PTGR1: variants seen among roughly 807,000 people sequenced by gnomAD.
The protein encoded by PTGR1 is prostaglandin reductase 1.
In PTGR1, 23 loss-of-function variants were observed where a neutral mutation model predicts 37.7. The observed-to-expected ratio is 0.61, with a 90% CI of 0.44 to 0.86. The LOEUF (loss-of-function observed/expected upper bound fraction) is 0.86. Ranked by LOEUF, PTGR1 falls within the 40% of genes least tolerant of loss-of-function variation. The pLI is 0.00. For missense variants in PTGR1, 351 were observed against 394.3 expected (o/e 0.89, Z 0.93); for synonymous variants, 134 against 140.0 (o/e 0.96, Z 0.30).
chr9:111,560,636 CAAAAAA>C (rs1015199330), downstream of PTGR1, among the ~76,000 whole-genome samples: 1 of 26,296 alleles, frequency 3.8e-5, no homozygotes, highest in Non-Finnish European at 6.8e-5. Context: ...GACACCATCT[CAAAAAA>C]AAAAAAAAAA....
intron 6 of PTGR1, among the ~76,000 whole-genome samples, chr9:111,583,138 T>C (rs929609458): frequency 1.3e-5 from 2 of 152,236 alleles, no homozygotes; most frequent in African/African-American, 4.8e-5. Context: ...TCATCTCAAG[T>C]CCCTTCTTCT....
At chr9:111,577,283 T>G (rs1180333384) in intron 7 of PTGR1, 1 of 152,032 alleles carries the variant, frequency 6.6e-6, no homozygotes, top group Non-Finnish European at 1.5e-5. Flanking sequence ...CCTACTAGGA[T>G]GGTTATAATA....
chr9:111,597,232 A>G (rs911237762), intron 2 of PTGR1, 85 bp downstream of exon 2: 26 of 1,048,908 alleles, frequency 2.5e-5, no homozygotes, highest in Non-Finnish European at 3.7e-5. Flanking sequence ...GCTTAAAGTC[A>G]CTAAACTTTG....
rs1829519727 is a variant in PTGR1, at chr9:111,588,775, C to G, written c.210-2610G>C. Among the ~76,000 whole-genome samples the G allele has an allele frequency of 2.0e-5, 3 of 152,248 alleles. No homozygotes were observed. The South Asian group carries it at 6.2e-4, about 32-fold the overall frequency. ...TCCTGACCTCAGGTGATCCACCCAC[C>G]TCAGCCTCCCAAAGTACTGAGATTA... On this transcript the variant is annotated intron_variant, in intron 4 of 9. Transcript: ENST00000407693.
chr9:111,597,893 A>AT (rs1829829967), intron 1 of PTGR1, among the ~76,000 whole-genome samples: 1 of 152,180 alleles, frequency 6.6e-6, no homozygotes, highest in Admixed American at 6.5e-5. Flanking sequence ...ATAGAAGTCC[A>AT]TGCACCTCTT....
intron 4 of PTGR1, chr9:111,589,338 TA>T (rs1338604991): frequency 1.1e-6 from 1 of 873,468 alleles, no homozygotes; most frequent in Non-Finnish European, 1.4e-6. Flanking sequence ...GAAATTCCAG[TA>T]AAGATCCATA....
intron 4 of PTGR1, chr9:111,589,325 A>C (rs1214743727): frequency 1.2e-6 from 1 of 826,710 alleles, no homozygotes; most frequent in Non-Finnish European, 1.5e-6. Context: ...CTGTAAGGTC[A>C]CTGAAATTCC....
rs58142522 is a variant in PTGR1 at position 111,592,986 on chromosome 9, C to CAAAAAAAAAAAAAAAAA, written c.153-21_153-5dup. 5 of 961,394 alleles carry CAAAAAAAAAAAAAAAAA rather than the reference C, an allele frequency of 5.2e-6. No individual in the cohort carries two copies. The highest frequency in any genetic ancestry group is 3.3e-5 in the African/African-American group (1 of 29,996). 59.6% of individuals were successfully genotyped at this position (961,394 alleles called of 1,614,324 possible). A position where few individuals can be genotyped will look rare whatever the true frequency, so the allele number is the denominator to read the frequency against. On this transcript the variant is annotated splice_polypyrimidine_tract_variant and splice_region_variant and intron_variant, in intron 3 of 9. Coordinates refer to ENST00000407693, the MANE Select transcript of PTGR1 (RefSeq NM_001146108.2). Reference sequence around the variant, plus strand: ...CTTCAATCTTTTGGCTGCCACTCTGCAAAAAAAAAAAAAAAAAAAAAAAAA... The same window carrying CAAAAAAAAAAAAAAAAA: ...CTTCAATCTTTTGGCTGCCACTCTGCAAAAAAAAAAAAAAAAAAAAAAAAAAAAAAAAAAAAAAAAAA...
intron 1 of PTGR1, among the ~76,000 whole-genome samples, chr9:111,598,008 T>A (rs60566038): frequency 0.15 from 21,463 of 145,086 alleles, 1,774 homozygotes; most frequent in East Asian, 0.26. Context: ...TTTTTTTTTT[T>A]AAATACTTTT....
At chr9:111,595,094 A>T (rs1829739208) in intron 2 of PTGR1, among the ~76,000 whole-genome samples, 1 of 151,752 alleles carries the variant, frequency 6.6e-6, no homozygotes, top group Admixed American at 6.6e-5. Flanking sequence ...ACCTCAAGAG[A>T]TCTGCCCACC....
chr9:111,569,931 G>A (rs1828734463), intron 9 of PTGR1, 160 bp downstream of exon 9: 1 of 1,185,820 alleles, frequency 8.4e-7, no homozygotes, highest in African/African-American at 1.5e-5. Context: ...TTTCAAAGAT[G>A]GGAAAAGTAA....
At position 111,594,213 on chromosome 9, in the gene PTGR1, A is replaced by C. The variant is rs1386448975; in HGVS notation, c.152+9T>G. The stretch of plus-strand genomic sequence containing the variant: ...GCATTAGCATTTTGAGGGGCGAAAT[A>C]AATAATACCTCATGTAGGGATCCAC... On this transcript the variant is annotated intron_variant, in intron 3 of 9. Coordinates refer to ENST00000407693, the MANE Select transcript of PTGR1 (RefSeq NM_001146108.2). The C allele has an allele frequency of 6.2e-7, 1 of 1,610,410 alleles. No individual in the cohort carries two copies. The highest frequency in any genetic ancestry group is 1.7e-5 in the Admixed American group (1 of 60,008).
At position 111,597,314 on chromosome 9, in the gene PTGR1, T is replaced by TA; in HGVS notation, c.106+2dup. The stretch of plus-strand genomic sequence containing the variant: ...ACTCTGAAATATTTTTAGTATGACT[T>TA]ACCTCCATTTTTTAAGGGTGGGAGC... On this transcript the variant is annotated splice_region_variant and intron_variant, in intron 2 of 9. Coordinates refer to ENST00000407693, the MANE Select transcript of PTGR1 (RefSeq NM_001146108.2). 1 of 1,593,430 alleles carries TA rather than the reference T, an allele frequency of 6.3e-7. No individual in the cohort carries two copies.
At chr9:111,552,070 A>G (rs1589282447) in intron 9 of PTGR1, among the ~76,000 whole-genome samples, 1 of 152,184 alleles carries the variant, frequency 6.6e-6, no homozygotes, top group South Asian at 2.1e-4. Flanking sequence ...CCATTTTAGG[A>G]GCTTCAAATT....
chr9:111,578,957 T>G lies in PTGR1; in HGVS notation c.496-6A>C. 4 of 1,455,468 alleles carry G rather than the reference T, an allele frequency of 2.7e-6. No individual in the cohort carries two copies. The highest frequency in any genetic ancestry group is 1.5e-5 in the South Asian group (1 of 68,166). 90.2% of individuals were successfully genotyped at this position (1,455,468 alleles called of 1,614,324 possible). A position where few individuals can be genotyped will look rare whatever the true frequency, so the allele number is the denominator to read the frequency against. On this transcript the variant is annotated splice_region_variant and splice_polypyrimidine_tract_variant and intron_variant, in intron 6 of 9. Coordinates refer to ENST00000407693, the MANE Select transcript of PTGR1 (RefSeq NM_001146108.2). Reference sequence around the variant, plus strand: ...GCTCCAACAACTTTGCAGCCCTAAGTAGAAAAAAAAAAAAAAAGGAAACCA... The same window carrying G: ...GCTCCAACAACTTTGCAGCCCTAAGGAGAAAAAAAAAAAAAAAGGAAACCA...
intron 9 of PTGR1, chr9:111,564,265 G>T: frequency 1.1e-6 from 1 of 884,440 alleles, no homozygotes; most frequent in South Asian, 3.0e-5. Context: ...TAGGGAAGCT[G>T]AAATTTAAAC....
intron 9 of PTGR1, among the ~76,000 whole-genome samples, chr9:111,568,945 T>TA (rs1828692381): frequency 6.6e-6 from 1 of 152,172 alleles, no homozygotes; most frequent in Admixed American, 6.5e-5. Context: ...AGAATCTCCT[T>TA]AGAGATTAGA....
At chr9:111,583,653 T>A in intron 5 of PTGR1, 64 bp from the exon 6 acceptor site, 1 of 1,355,738 alleles carries the variant, frequency 7.4e-7, no homozygotes. Flanking sequence ...CTCATTTATA[T>A]ATATCTTGAA....
At chr9:111,561,924 T>C (rs1304822054), downstream of PTGR1, among the ~76,000 whole-genome samples, 2 of 150,410 alleles carry the variant, frequency 1.3e-5, no homozygotes, top group Non-Finnish European at 3.0e-5. Flanking sequence ...TTGCTCTTGT[T>C]GCCCAGGCTG....
Sources: gnomAD v4.1 joint callset for allele counts (sites outside exome capture counted in the v4.1 genomes callset) on GRCh38, gnomAD v4.1.1 for gene constraint, MANE v1.5 for transcripts, NCBI Gene and HGNC (gene_info 2026-07-23, HGNC 2026-07-21) for gene names.